Variants in PSMF1 observed in about 807,000 individuals in gnomAD.
PSMF1 encodes proteasome inhibitor PI31 subunit.
In PSMF1, 30 loss-of-function variants were observed where a neutral mutation model predicts 29.3. The observed-to-expected ratio is 1.02, with a 90% confidence interval of 0.77 to 1.39. PSMF1 has a LOEUF of 1.39. PSMF1 is among the 40% of genes most tolerant of loss of function. PSMF1 has a pLI of 0.00. For missense variants in PSMF1, 344 were observed against 357.5 expected (o/e 0.96, Z 0.31); for synonymous variants, 134 against 139.7 (o/e 0.96, Z 0.29).
intron 3 of PSMF1, among the ~76,000 whole-genome samples, chr20:1,129,440 A>G (rs2086201145): frequency 6.6e-6 from 1 of 152,144 alleles, no homozygotes; most frequent in African/African-American, 2.4e-5. Context: ...CAGACTTTCA[A>G]ACCACTGGCC....
At chr20:1,133,569 A>ATATATATATTTTTTTTTTTTTTTTTT in intron 3 of PSMF1, among the ~76,000 whole-genome samples, 2 of 53,288 alleles carry the variant, frequency 3.8e-5, no homozygotes, top group African/African-American at 5.6e-5. Flanking sequence ...ATATATATAT[A>ATATATATATTTTTTTTTTTTTTTTTT]TTTTTTTTTT....
intron 4 of PSMF1, among the ~76,000 whole-genome samples, chr20:1,138,159 C>T (rs6040071): frequency 6.6e-6 from 1 of 152,144 alleles, no homozygotes; most frequent in Non-Finnish European, 1.5e-5. Flanking sequence ...TAGTATTATC[C>T]TGATAACCAG....
chr20:1,135,029 GGCCGCCGCCGCC>G, intron 3 of PSMF1, 80 bp from the exon 4 acceptor site: 1 of 1,316,426 alleles, frequency 7.6e-7, no homozygotes, highest in Non-Finnish European at 1.1e-6. Flanking sequence ...GAGCTATCAG[GGCCGCCGCCGCC>G]GCCGTCGTTG....
intron 3 of PSMF1, among the ~76,000 whole-genome samples, chr20:1,131,556 G>A (rs1484565752): frequency 2.0e-5 from 3 of 152,186 alleles, no homozygotes; most frequent in African/African-American, 7.2e-5. Context: ...GAAAGCTGAG[G>A]TATGGCTCTG....
At chr20:1,155,194 G>A (rs1033409187) in intron 4 of PSMF1, among the ~76,000 whole-genome samples, 8 of 152,282 alleles carry the variant, frequency 5.3e-5, no homozygotes, top group South Asian at 2.1e-4. Context: ...TGGCGTGGAC[G>A]GAGAGTGTTC....
At chr20:1,147,399 C>G (rs932441482) in intron 4 of PSMF1, among the ~76,000 whole-genome samples, 3 of 152,158 alleles carry the variant, frequency 2.0e-5, no homozygotes, top group African/African-American at 7.2e-5. Context: ...GGATTTACCC[C>G]GAAGTGGGTC....
intron 4 of PSMF1, among the ~76,000 whole-genome samples, chr20:1,136,136 A>G (rs1479764803): frequency 6.6e-6 from 1 of 152,250 alleles, no homozygotes; most frequent in Non-Finnish European, 1.5e-5. Context: ...CTCTTTGGCA[A>G]AATCTTTACC....
At chr20:1,143,141 T>C (rs890216432) in intron 4 of PSMF1, among the ~76,000 whole-genome samples, 2 of 152,210 alleles carry the variant, frequency 1.3e-5, no homozygotes, top group East Asian at 1.9e-4. Flanking sequence ...TCTGCAGATA[T>C]AGCAAGATAC....
intron 4 of PSMF1, among the ~76,000 whole-genome samples, chr20:1,147,167 TCATCATCATCAC>T (rs1444020497): frequency 0.011 from 1,226 of 116,070 alleles, 12 homozygotes; most frequent in African/African-American, 0.041. Context: ...ATCATCATCA[TCATCATCATCAC>T]CACCCTGTGT....
chr20:1,147,555 A>G (rs1434325639), intron 4 of PSMF1, among the ~76,000 whole-genome samples: 1 of 152,206 alleles, frequency 6.6e-6, no homozygotes, highest in East Asian at 1.9e-4. Flanking sequence ...TTTCTGAGGC[A>G]GATCTATTTC....
upstream of PSMF1, among the ~76,000 whole-genome samples, chr20:1,116,142 G>A (rs544225209): frequency 1.3e-5 from 2 of 152,068 alleles, no homozygotes; most frequent in South Asian, 4.2e-4. Context: ...CACTAAGTAG[G>A]CACCTTAAGT....
chr20:1,146,653 C>G (rs555289389), intron 4 of PSMF1, among the ~76,000 whole-genome samples: 17 of 152,140 alleles, frequency 1.1e-4, no homozygotes, highest in Non-Finnish European at 1.5e-4. Context: ...CCTCTCCCCC[C>G]ACGTCAAGGA....
At chr20:1,148,456 T>C (rs1455540999) in intron 4 of PSMF1, among the ~76,000 whole-genome samples, 1 of 152,274 alleles carries the variant, frequency 6.6e-6, no homozygotes, top group Non-Finnish European at 1.5e-5. Flanking sequence ...GTTTTTTCTA[T>C]GCTTAACCAG....
chr20:1,151,717 T>G (rs944564933), intron 4 of PSMF1, among the ~76,000 whole-genome samples: 2 of 152,230 alleles, frequency 1.3e-5, no homozygotes, highest in Admixed American at 6.5e-5. Flanking sequence ...GAAGTATGTC[T>G]GAGATCTGCT....
rs527871282 is a variant in PSMF1 at position 1,168,538 on chromosome 20, A to G, written c.*3458A>G. Among the ~76,000 whole-genome samples, 20 of 152,142 alleles carry G rather than the reference A, an allele frequency of 1.3e-4. No individual in the cohort carries two copies. Among genetic ancestry groups the G allele is most frequent in the East Asian group, 7.7e-4 (4 of 5,166 alleles). ...TCTCCTCAGTCATAAGTGTCTGTCAACCTCCGTTGTGAAGTCATGAGTCTC... is the reference window on the plus strand; with the variant it reads ...TCTCCTCAGTCATAAGTGTCTGTCAGCCTCCGTTGTGAAGTCATGAGTCTC... On this transcript the variant is annotated 3_prime_UTR_variant, in exon 7 of 7. Transcript: ENST00000335877.
intron 4 of PSMF1, among the ~76,000 whole-genome samples, chr20:1,152,981 G>C (rs889221934): frequency 6.6e-6 from 1 of 152,202 alleles, no homozygotes; most frequent in Admixed American, 6.5e-5. Context: ...GACCAAGCCT[G>C]TTTATAGAGA....
chr20:1,127,953 C>T (rs2086181297), intron 3 of PSMF1, among the ~76,000 whole-genome samples: 1 of 151,632 alleles, frequency 6.6e-6, no homozygotes, highest in Non-Finnish European at 1.5e-5. Flanking sequence ...CCACAGTTTA[C>T]AGCTTCCCTG....
rs1474054585 is a variant in PSMF1, at chr20:1,163,390, A to G, written c.605+207A>G. On this transcript the variant is annotated intron_variant, in intron 5 of 6. Transcript: ENST00000335877. The surrounding 1 kb of genome is among the most constrained non-coding windows in gnomAD (Gnocchi z 6.1). ...AGGAGAGCACTGAGTGTTGGCAGGG[A>G]GGTGAACAAGCCTAGCAGGCAGCTC... 6.6e-6 allele frequency among the ~76,000 whole-genome samples: 1 copy of G among 152,160 alleles called. No homozygotes were observed. The highest frequency in any genetic ancestry group is 2.4e-5 in the African/African-American group (1 of 41,428).
At position 1,171,843 on chromosome 20, in the gene PSMF1, C is replaced by G. The variant is rs530796104; in HGVS notation, c.*6763C>G. ...GCCACCCAATACAGAGCCCTGCCCT[C>G]TCCCTCTCCTTCAGAAGGAAGTATG... is the stretch of plus-strand genomic sequence containing the variant. On this transcript the variant is annotated 3_prime_UTR_variant, in exon 7 of 7. Coordinates refer to ENST00000335877, the MANE Select transcript of PSMF1 (RefSeq NM_006814.5). Among the ~76,000 whole-genome samples, 1 of 152,238 alleles carries G rather than the reference C, an allele frequency of 6.6e-6. No homozygotes were observed. Among genetic ancestry groups the G allele is most frequent in the Non-Finnish European group, 1.5e-5 (1 of 68,050 alleles).
Sources: gnomAD v4.1 joint callset for allele counts (sites outside exome capture counted in the v4.1 genomes callset) on GRCh38, gnomAD v4.1.1 for gene constraint, Gnocchi (gnomAD v3.1) non-coding constraint, MANE v1.5 for transcripts, NCBI Gene and HGNC (gene_info 2026-07-23, HGNC 2026-07-21) for gene names.